Variants in SCARB2 observed in about 807,000 individuals in gnomAD.
SCARB2 encodes the protein lysosome membrane protein 2.
Under a neutral mutation model 58.6 loss-of-function variants are expected in SCARB2, and 29 were observed. The ratio of observed to expected loss-of-function variants is 0.49; its 90% CI spans 0.37 to 0.67. SCARB2 has a LOEUF of 0.67. SCARB2 is among the 30% of genes least tolerant of loss of function. The probability of loss-of-function intolerance (pLI) is 0.00; values close to 1 mark genes in which losing one functional copy is unlikely to be tolerated. For missense variants in SCARB2, 488 were observed against 578.5 expected (o/e 0.84, Z 1.60); for synonymous variants, 195 against 210.1 (o/e 0.93, Z 0.62).
chr4:76,204,503 A>C (rs1449354434), intron 1 of SCARB2, among the ~76,000 whole-genome samples: 1 of 152,232 alleles, frequency 6.6e-6, no homozygotes, highest in Non-Finnish European at 1.5e-5. Flanking sequence ...CTGCTACAAA[A>C]TACCCACTAA....
intron 1 of SCARB2, among the ~76,000 whole-genome samples, chr4:76,221,194 G>C (rs1016930425): frequency 6.6e-6 from 1 of 152,234 alleles, no homozygotes; most frequent in Non-Finnish European, 1.5e-5. Context: ...CTCTGGAACC[G>C]AATCATACAG....
intron 1 of SCARB2, among the ~76,000 whole-genome samples, chr4:76,231,681 C>CA (rs1733496178): frequency 6.6e-6 from 1 of 152,178 alleles, no homozygotes; most frequent in South Asian, 2.1e-4. Flanking sequence ...GTTTGTTCCA[C>CA]AAGGAATCAG....
Position 76,163,482 on chromosome 4 carries a change from C to G in SCARB2, c.1240-99G>C, listed in dbSNP as rs1332187770. ...TTTGTTTAATACAATTTGGGAATGTCCTCCTGTTAGCAAACCAAACATACT... is the reference window on the plus strand; with the variant it reads ...TTTGTTTAATACAATTTGGGAATGTGCTCCTGTTAGCAAACCAAACATACT... On this transcript the variant is annotated intron_variant, in intron 10 of 11. Transcript: ENST00000264896. The G allele has an allele frequency of 3.7e-6, 5 of 1,338,906 alleles. No individual in the cohort carries two copies. In the African/African-American group the frequency reaches 7.2e-5, roughly 19 times the overall value. The allele number at this position is 1,338,906 out of a possible 1,614,324, so 82.9% of individuals were successfully genotyped here.
At chr4:76,232,349 T>C (rs1331268412) in intron 1 of SCARB2, among the ~76,000 whole-genome samples, 1 of 152,188 alleles carries the variant, frequency 6.6e-6, no homozygotes, top group African/African-American at 2.4e-5. Context: ...TGTCACAATC[T>C]CCAAAGTTAT....
At chr4:76,230,609 C>T (rs1431760780) in intron 1 of SCARB2, among the ~76,000 whole-genome samples, 1 of 152,152 alleles carries the variant, frequency 6.6e-6, no homozygotes, top group African/African-American at 2.4e-5. Context: ...CAGTTTGAAG[C>T]TTCCCTTCTC....
intron 11 of SCARB2, chr4:76,162,190 G>A: frequency 5.7e-6 from 1 of 174,532 alleles, no homozygotes; most frequent in South Asian, 1.4e-4. Context: ...TTCAATGACT[G>A]CATAAAGTCA....
intron 1 of SCARB2, among the ~76,000 whole-genome samples, chr4:76,226,467 G>A (rs1206941291): frequency 1.3e-5 from 2 of 152,224 alleles, no homozygotes; most frequent in Non-Finnish European, 2.9e-5. Context: ...GAGGCTAAGA[G>A]GGGTTTTATG....
intron 2 of SCARB2, among the ~76,000 whole-genome samples, chr4:76,188,789 A>C (rs1303150572): frequency 2.0e-5 from 3 of 152,226 alleles, no homozygotes; most frequent in African/African-American, 4.8e-5. Context: ...GCCCCATAGA[A>C]GGTTTGGACA....
chr4:76,227,746 C>T (rs9996456), intron 1 of SCARB2, among the ~76,000 whole-genome samples: 16,550 of 152,104 alleles, frequency 0.11, 1,240 homozygotes, highest in East Asian at 0.41. Context: ...TGATATTTTC[C>T]TGTTGGACTG....
In SCARB2 at chr4:76,179,546, T is replaced by C; in HGVS notation, c.583A>G (p.Ile195Val). 6.2e-7 allele frequency: 1 copy of C among 1,614,128 alleles called. No individual in the cohort carries two copies. Among genetic ancestry groups the C allele is most frequent in the South Asian group, 1.1e-5 (1 of 91,084 alleles). Residue 195 changes from isoleucine (I) to valine (V), a missense_variant, in exon 4 of 12, where the codon ATC becomes GTC. Coordinates refer to ENST00000264896, the MANE Select transcript of SCARB2 (RefSeq NM_005506.4). ...TAGAATAGGCCAAAATAGGGAGAGA[T>C]ATCGGGCCTGAAAACATGGATAAGG... ...LSLIHVFRPD[I>V]SPYFGLFYEK...
chr4:76,173,844 G>A, intron 7 of SCARB2: 1 of 362,536 alleles, frequency 2.8e-6, no homozygotes, highest in Admixed American at 4.3e-5. Context: ...GAAAAGCCAT[G>A]ATTTTTTTTT....
At chr4:76,226,413 G>C (rs1733399359) in intron 1 of SCARB2, among the ~76,000 whole-genome samples, 1 of 152,192 alleles carries the variant, frequency 6.6e-6, no homozygotes, top group African/African-American at 2.4e-5. Flanking sequence ...TTATGATTTT[G>C]GGAGAGCAAG....
intron 1 of SCARB2, among the ~76,000 whole-genome samples, chr4:76,224,915 C>G (rs1020724775): frequency 6.6e-6 from 1 of 152,028 alleles, no homozygotes; most frequent in Non-Finnish European, 1.5e-5. Context: ...CTACCCTTCC[C>G]CCCAAGTCCC....
At chr4:76,179,728 G>T in intron 3 of SCARB2, 23 bp from the exon 4 acceptor site, 1 of 1,591,144 alleles carries the variant, frequency 6.3e-7, no homozygotes, top group Non-Finnish European at 8.6e-7. Context: ...GGTATATTAA[G>T]ACAGCAGCAT....
chr4:76,174,099 C>T (rs763304855), intron 7 of SCARB2, 45 bp downstream of exon 7: 2 of 1,609,574 alleles, frequency 1.2e-6, no homozygotes, highest in African/African-American at 2.7e-5. Context: ...TCCAATCCTT[C>T]TGCATTCTTG....
chr4:76,163,971 G>A (rs1731949789), intron 10 of SCARB2: 1 of 159,586 alleles, frequency 6.3e-6, no homozygotes, highest in Admixed American at 6.0e-5. Context: ...ATGGTATGTG[G>A]AAAGTATAAT....
At chr4:76,234,511 T>A (rs1354734420) in exon 1 of SCARB2, 5 of 152,172 alleles carry the variant, frequency 3.3e-5, no homozygotes, top group Admixed American at 6.5e-5. Context: ...TGCTTCCTGC[T>A]TTACGGTTGG....
chr4:76,168,499 G>C, intron 8 of SCARB2, 23 bp from the exon 9 acceptor site: 1 of 1,599,044 alleles, frequency 6.3e-7, no homozygotes, highest in Non-Finnish European at 8.6e-7. Context: ...GAAGTGAAAA[G>C]GAAACATTAG....
intron 9 of SCARB2, chr4:76,166,534 C>G: frequency 1.7e-6 from 1 of 589,128 alleles, no homozygotes; most frequent in Non-Finnish European, 3.0e-6. Context: ...AAGGCAGATT[C>G]CTTAAAATGA....
Sources: gnomAD v4.1 joint callset for allele counts (sites outside exome capture counted in the v4.1 genomes callset) on GRCh38, gnomAD v4.1.1 for gene constraint, MANE v1.5 for transcripts, NCBI Gene and HGNC (gene_info 2026-07-23, HGNC 2026-07-21) for gene names.